The following NUP54 variants were observed in gnomAD, a reference collection of about 807,000 sequenced individuals.
The protein encoded by NUP54 is nucleoporin 54.
In NUP54, 27 loss-of-function variants were observed where a neutral mutation model predicts 66.4. That is an observed-to-expected ratio of 0.41 (90% CI 0.30 to 0.56). The LOEUF (loss-of-function observed/expected upper bound fraction) is 0.56, where lower values mean the gene tolerates loss of function less well. NUP54 is among the 20% of genes least tolerant of loss of function. NUP54 has a pLI of 0.34. For synonymous variants in NUP54, 206 were observed against 210.7 expected (o/e 0.98, Z 0.19); for missense variants, 486 against 596.3 (o/e 0.82, Z 1.93).
At position 76,134,288 on chromosome 4, in the gene NUP54, T is replaced by G; in HGVS notation, c.597A>C (p.Glu199Asp). 1 of 1,613,944 alleles carries G rather than the reference T, an allele frequency of 6.2e-7. No individual in the cohort carries two copies. The highest frequency in any genetic ancestry group is 2.2e-5 in the East Asian group (1 of 44,820). The change falls in exon 5 of 12, where the codon GAA (glutamate) becomes GAC (aspartate). Residue 199 changes from glutamate to aspartate, a missense_variant. Physicochemically the swap from Glu to Asp is conservative, Grantham distance 45. Transcript: ENST00000264883. ...GTTGTTGTTGGCTTCGAATCTCTGT[T>G]TCTTTTTTGTTGAAAACTAAAACCA... ...GLVVLVFNKK[E>D]TEIRSQQQQL...
At chr4:76,141,475 AG>A (rs1731265578) in intron 3 of NUP54, among the ~76,000 whole-genome samples, 2 of 152,214 alleles carry the variant, frequency 1.3e-5, no homozygotes, top group African/African-American at 4.8e-5. Flanking sequence ...TCTGGATCTT[AG>A]TGAAGAGCAA....
intron 9 of NUP54, among the ~76,000 whole-genome samples, chr4:76,122,808 T>C (rs61391079): frequency 0.13 from 20,033 of 152,218 alleles, 1,548 homozygotes; most frequent in East Asian, 0.35. Context: ...CACCAAAATG[T>C]CCATCAATTG....
Position 76,124,574 on chromosome 4 carries a change from TA to T in NUP54, c.1164+74del, listed in dbSNP as rs1188265673. ...CATTTTAGTATTTTTTTTTCTATTT[TA>T]AAAATCTATATTTAGTACATTATTT... is the stretch of plus-strand genomic sequence containing the variant. On this transcript the variant is annotated intron_variant, in intron 9 of 11. Coordinates refer to ENST00000264883, the MANE Select transcript of NUP54 (RefSeq NM_017426.4). 2.5e-4 allele frequency: 131 copies of T among 521,864 alleles called. 2 individuals are homozygous for T. The highest frequency in any genetic ancestry group is 5.7e-5 in the Non-Finnish European group (17 of 298,316). 32.3% of individuals were successfully genotyped at this position (521,864 alleles called of 1,614,324 possible).
chr4:76,122,981 C>T (rs1232082035), intron 9 of NUP54, among the ~76,000 whole-genome samples: 1 of 152,134 alleles, frequency 6.6e-6, no homozygotes, highest in Non-Finnish European at 1.5e-5. Flanking sequence ...GTTATGATTC[C>T]ATTTATATGA....
chr4:76,135,706 G>A (rs769895696), intron 4 of NUP54, among the ~76,000 whole-genome samples: 10 of 152,188 alleles, frequency 6.6e-5, no homozygotes, highest in Admixed American at 4.6e-4. Context: ...ACTCTCACTG[G>A]CTGATAAAGA....
rs1729895708 is a variant in NUP54 at position 76,115,224 on chromosome 4, A to AT, written c.*141dup. On this transcript the variant is annotated 3_prime_UTR_variant, in exon 12 of 12. Transcript: ENST00000264883. Reference sequence around the variant, plus strand: ...ACTATTTCAGATTTGATGAACAGTAATTTGTCAGTAAACTTCTCAAAAAAC... The same window carrying AT: ...ACTATTTCAGATTTGATGAACAGTAATTTTGTCAGTAAACTTCTCAAAAAAC... 2 of 633,004 alleles carry AT rather than the reference A, an allele frequency of 3.2e-6. No individual in the cohort carries two copies. Among genetic ancestry groups the AT allele is most frequent in the Admixed American group, 8.0e-5 (2 of 24,976 alleles). 39.2% of individuals were successfully genotyped at this position (633,004 alleles called of 1,614,324 possible). A position where few individuals can be genotyped will look rare whatever the true frequency, so the allele number is the denominator to read the frequency against.
chr4:76,143,587 G>GCACTCC (rs1279712491), intron 3 of NUP54, among the ~76,000 whole-genome samples: 36 of 152,304 alleles, frequency 2.4e-4, no homozygotes, highest in African/African-American at 8.4e-4. Flanking sequence ...CTGGGCGACA[G>GCACTCC]AGCAAGACTC....
At chr4:76,144,495 T>G (rs375259608) in intron 1 of NUP54, 22 bp from the exon 2 acceptor site, 2 of 1,551,944 alleles carry the variant, frequency 1.3e-6, no homozygotes, top group South Asian at 2.5e-5. Context: ...AGAACAAAAA[T>G]AGAAAGGAAG....
intron 8 of NUP54, among the ~76,000 whole-genome samples, chr4:76,129,863 C>CAAA (rs747413034): frequency 1.1e-4 from 4 of 37,612 alleles, no homozygotes; most frequent in South Asian, 1.5e-3. Flanking sequence ...AGAGACGTCT[C>CAAA]AAAAAAAAAA....
At chr4:76,126,476 T>C (rs532892340) in intron 8 of NUP54, among the ~76,000 whole-genome samples, 1 of 152,380 alleles carries the variant, frequency 6.6e-6, no homozygotes, top group South Asian at 2.1e-4. Flanking sequence ...TAGGTGGCCA[T>C]GTTTTATATT....
intron 1 of NUP54, chr4:76,147,340 A>G: frequency 2.1e-6 from 1 of 473,794 alleles, no homozygotes; most frequent in Non-Finnish European, 3.3e-6. Context: ...CTTGATACAG[A>G]TGTTTTTGAT....
intron 5 of NUP54, among the ~76,000 whole-genome samples, chr4:76,133,706 T>C (rs116715203): frequency 0.015 from 2,349 of 151,760 alleles, 55 homozygotes; most frequent in African/African-American, 0.053. Context: ...GCTGCTTCTC[T>C]GCAATTACAA....
In NUP54 at chr4:76,129,966, G is replaced by GTTTTTTTTTTTTTTTTTTTT. The variant is rs775109047; in HGVS notation, c.1056+670_1056+689dup. Among the ~76,000 whole-genome samples the GTTTTTTTTTTTTTTTTTTTT allele has an allele frequency of 8.8e-5, 5 of 56,824 alleles. 1 individual carries two copies. The highest frequency in any genetic ancestry group is 3.3e-4 in the Admixed American group (1 of 3,014). 37.3% of individuals were successfully genotyped at this position (56,824 alleles called of 152,430 possible). A position where few individuals can be genotyped will look rare whatever the true frequency, so the allele number is the denominator to read the frequency against. ...AATCTTTAAGTATTTAATTATGAAA[G>GTTTTTTTTTTTTTTTTTTTT]TTTTTTTTTTTTTTTTTTTTTTTTT... On this transcript the variant is annotated intron_variant, in intron 8 of 11. Coordinates refer to ENST00000264883, the MANE Select transcript of NUP54 (RefSeq NM_017426.4).
Position 76,124,745 on chromosome 4 carries a change from T to G in NUP54, c.1068A>C (p.Glu356Asp), listed in dbSNP as rs774997326. Reference sequence around the variant, plus strand: ...GATTCTTTTGTAGCTCACTAATATCTTCAGATATGATCTGTTTAAAAAAAA... The same window carrying G: ...GATTCTTTTGTAGCTCACTAATATCGTCAGATATGATCTGTTTAAAAAAAA... ...QHQTRLDIIS[E>D]DISELQKNQT... The change falls in exon 9 of 12, where the codon GAA becomes GAC. Residue 356 changes from glutamate to aspartate, a missense_variant. Around this residue, in one of 4 missense-constraint regions of NUP54, gnomAD observed 217 missense variants for 247.9 expected, o/e 0.88. Coordinates refer to ENST00000264883, the MANE Select transcript of NUP54 (RefSeq NM_017426.4). 29 of 1,318,570 alleles carry G rather than the reference T, an allele frequency of 2.2e-5. No individual in the cohort carries two copies. The highest frequency in any genetic ancestry group is 2.9e-5 in the Non-Finnish European group (28 of 972,100). The allele number at this position is 1,318,570 out of a possible 1,614,324, so 81.7% of individuals were successfully genotyped here.
intron 9 of NUP54, chr4:76,118,395 G>GTT: frequency 1.9e-6 from 1 of 531,712 alleles, no homozygotes; most frequent in African/African-American, 1.9e-5. Context: ...AGACTTAATT[G>GTT]TTTTTTTTGA....
intron 5 of NUP54, among the ~76,000 whole-genome samples, 178 bp downstream of exon 5, chr4:76,133,996 CA>C (rs1264520966): frequency 6.6e-6 from 1 of 151,784 alleles, no homozygotes; most frequent in African/African-American, 2.4e-5. Flanking sequence ...TTAAAAAATC[CA>C]AAATTTTAAA....
intron 9 of NUP54, among the ~76,000 whole-genome samples, chr4:76,122,154 T>C (rs1332572722): frequency 6.6e-6 from 1 of 152,250 alleles, no homozygotes. Context: ...TGTCCTGTTA[T>C]TAAAACCAAC....
At chr4:76,143,262 C>A (rs1731342110) in intron 3 of NUP54, among the ~76,000 whole-genome samples, 1 of 152,124 alleles carries the variant, frequency 6.6e-6, no homozygotes, top group Non-Finnish European at 1.5e-5. Context: ...AAAGTCTTGA[C>A]TAAAAAACTC....
chr4:76,138,739 G>C (rs1438732575), intron 3 of NUP54, among the ~76,000 whole-genome samples: 2 of 152,272 alleles, frequency 1.3e-5, no homozygotes, highest in Admixed American at 1.3e-4. Flanking sequence ...CTAAGCCATG[G>C]GGTAGAGGTA....
Sources: allele counts gnomAD v4.1 joint callset (sites outside exome capture counted in the v4.1 genomes callset), GRCh38; gene constraint gnomAD v4.1.1; regional missense constraint gnomAD v4.1.1; transcripts MANE v1.5; gene names NCBI Gene and HGNC (gene_info 2026-07-23, HGNC 2026-07-21).